ARHGEF38: variants seen among roughly 807,000 people sequenced by gnomAD.
ARHGEF38 encodes the protein Rho guanine nucleotide exchange factor (GEF) 38.
In ARHGEF38, 79 loss-of-function variants were observed where a neutral mutation model predicts 79.9. The observed-to-expected ratio is 0.99, with a 90% CI of 0.82 to 1.19. The LOEUF (loss-of-function observed/expected upper bound fraction) is 1.19, where lower values mean the gene tolerates loss of function less well. ARHGEF38 is among the 50% of genes most tolerant of loss of function. The pLI, the probability that ARHGEF38 is intolerant of heterozygous loss-of-function variation, is 0.00. For synonymous variants in ARHGEF38, 366 were observed against 328.3 expected (o/e 1.11, Z -1.24); for missense variants, 962 against 907.2 (o/e 1.06, Z -0.78).
At chr4:105,630,823 CATT>C (rs1416964704) in intron 3 of ARHGEF38, 72 bp from the exon 4 acceptor site, 1 of 1,353,398 alleles carries the variant, frequency 7.4e-7, no homozygotes, top group African/African-American at 1.5e-5. Context: ...CACGAGTCGA[CATT>C]GTTGAAAATA....
chr4:105,621,885 C>T (rs1003179546), intron 3 of ARHGEF38, among the ~76,000 whole-genome samples: 3 of 152,108 alleles, frequency 2.0e-5, no homozygotes, highest in African/African-American at 7.2e-5. Flanking sequence ...CCAGATGCAA[C>T]AGTTGGAAGA....
chr4:105,676,879 GTTCTT>G (rs1462807206), intron 13 of ARHGEF38, among the ~76,000 whole-genome samples: 1 of 151,700 alleles, frequency 6.6e-6, no homozygotes. Context: ...CTAATTTTAT[GTTCTT>G]TTTAAGGTTT....
intron 3 of ARHGEF38, among the ~76,000 whole-genome samples, chr4:105,614,943 A>T (rs562296827): frequency 6.6e-6 from 1 of 152,330 alleles, no homozygotes; most frequent in African/African-American, 2.4e-5. Flanking sequence ...CACTACTGCA[A>T]ACCTTGGAGG....
At chr4:105,576,298 TTGTTTG>T (rs1237624642) in intron 1 of ARHGEF38, among the ~76,000 whole-genome samples, 1 of 152,198 alleles carries the variant, frequency 6.6e-6, no homozygotes, top group East Asian at 1.9e-4. Context: ...GTGTTTCTGT[TTGTTTG>T]TGTCATCTAT....
At chr4:105,567,967 G>A (rs1176582666) in intron 1 of ARHGEF38, among the ~76,000 whole-genome samples, 2 of 126,552 alleles carry the variant, frequency 1.6e-5, no homozygotes, top group Admixed American at 2.1e-4. Context: ...AGAGTGTGAT[G>A]TTCCCCTTCC....
chr4:105,598,140 C>T (rs1266080038), intron 2 of ARHGEF38, among the ~76,000 whole-genome samples: 1 of 152,116 alleles, frequency 6.6e-6, no homozygotes, highest in East Asian at 1.9e-4. Context: ...GGCTGTTTCT[C>T]ACGCTATGCT....
In ARHGEF38 at chr4:105,562,772, C is replaced by T. The variant is rs148569030; in HGVS notation, c.196+9811C>T. On this transcript the variant is annotated intron_variant, in intron 1 of 13. Coordinates refer to ENST00000420470, the MANE Select transcript of ARHGEF38 (RefSeq NM_001242729.2). ...CTGAAGTATACTGCAAATTGGGTTT[C>T]CGACTTGCAAATTCTGAAATAGAGA... 7.0e-3 allele frequency among the ~76,000 whole-genome samples: 1,064 copies of T among 152,286 alleles called. 4 individuals are homozygous for T. The highest frequency in any genetic ancestry group is 0.02 in the Middle Eastern group (6 of 294).
chr4:105,563,246 A>G (rs994501831), intron 1 of ARHGEF38: 4 of 152,224 alleles, frequency 2.6e-5, no homozygotes, highest in African/African-American at 9.6e-5. Context: ...GCTTAATTGC[A>G]CCTCTGAAAT....
intron 1 of ARHGEF38, among the ~76,000 whole-genome samples, chr4:105,585,524 A>AGT (rs1726991594): frequency 6.6e-6 from 1 of 152,172 alleles, no homozygotes; most frequent in African/African-American, 2.4e-5. Flanking sequence ...ATAAAGCTTG[A>AGT]GTGTGAAAGA....
In ARHGEF38 at chr4:105,680,041, C is replaced by T. The variant is rs1731256416; in HGVS notation, c.*2104C>T. 1 of 881,822 alleles carries T rather than the reference C, an allele frequency of 1.1e-6. No homozygotes were observed. 54.6% of individuals were successfully genotyped at this position (881,822 alleles called of 1,614,324 possible). A position where few individuals can be genotyped will look rare whatever the true frequency, so the allele number is the denominator to read the frequency against. On this transcript the variant is annotated 3_prime_UTR_variant, in exon 14 of 14. Transcript: ENST00000420470. ...CCATGTCAGTTACATTCTTCTTCGT[C>T]TCACAGAAAATAATAGCCCTCCCTT...
intron 3 of ARHGEF38, among the ~76,000 whole-genome samples, chr4:105,620,156 T>C (rs1405696110): frequency 4.6e-5 from 7 of 152,214 alleles, no homozygotes; most frequent in African/African-American, 1.7e-4. Flanking sequence ...AATCTTGACT[T>C]AAGCACAGTG....
intron 5 of ARHGEF38, among the ~76,000 whole-genome samples, chr4:105,641,723 T>TA (rs1183857444): frequency 2.2e-5 from 3 of 138,430 alleles, no homozygotes; most frequent in Admixed American, 1.4e-4. Flanking sequence ...GTTGAATATC[T>TA]AATTTTTTTT....
chr4:105,613,539 A>G (rs763931269), intron 3 of ARHGEF38, 32 bp downstream of exon 3: 15 of 1,602,248 alleles, frequency 9.4e-6, no homozygotes, highest in Non-Finnish European at 1.3e-5. Flanking sequence ...GTTCTACAAT[A>G]CAACAGGAAA....
intron 1 of ARHGEF38, among the ~76,000 whole-genome samples, chr4:105,568,703 C>G (rs1430375328): frequency 1.3e-5 from 2 of 152,182 alleles, no homozygotes. Flanking sequence ...TCTCCACAGT[C>G]AAATGACTGT....
chr4:105,655,872 T>A lies in ARHGEF38; in HGVS notation c.1233+150T>A, dbSNP rs79182074. 6.0e-3 allele frequency: 5,548 copies of A among 930,138 alleles called. 35 individuals are homozygous for A. Among genetic ancestry groups the A allele is most frequent in the African/African-American group, 0.026 (1,558 of 59,734 alleles). 57.6% of individuals were successfully genotyped at this position (930,138 alleles called of 1,614,324 possible). Reference sequence around the variant, plus strand: ...TTAGTAGATTTAAATGGGATTTTTTTAAATCATTTAATATTTTTAAAGTGG... The same window carrying A: ...TTAGTAGATTTAAATGGGATTTTTTAAAATCATTTAATATTTTTAAAGTGG... On this transcript the variant is annotated intron_variant, in intron 9 of 13. Transcript: ENST00000420470.
chr4:105,680,172 T>A lies in ARHGEF38; in HGVS notation c.*2235T>A, dbSNP rs924859236. The A allele has an allele frequency of 1.7e-5, 10 of 585,328 alleles. No homozygotes were observed. In the African/African-American group the frequency reaches 1.9e-4, roughly 11 times the overall value. 36.3% of individuals were successfully genotyped at this position (585,328 alleles called of 1,614,324 possible). The stretch of plus-strand genomic sequence containing the variant: ...GACTGGAATTTAAAACCAGGTCTTC[T>A]GACTTTAAGGCCTTTCTTTTAGTGT... On this transcript the variant is annotated 3_prime_UTR_variant, in exon 14 of 14. Coordinates refer to ENST00000420470, the MANE Select transcript of ARHGEF38 (RefSeq NM_001242729.2).
intron 6 of ARHGEF38, among the ~76,000 whole-genome samples, chr4:105,646,832 GTT>G (rs34986019): frequency 1.4e-5 from 2 of 143,172 alleles, no homozygotes; most frequent in African/African-American, 5.5e-5. Flanking sequence ...AATCCAGAGG[GTT>G]TTTTTTTTAA....
chr4:105,555,046 A>G (rs1725188671), intron 1 of ARHGEF38, among the ~76,000 whole-genome samples: 2 of 152,172 alleles, frequency 1.3e-5, no homozygotes, highest in African/African-American at 2.4e-5. Flanking sequence ...TTTGCTTACT[A>G]AATTTTCCTA....
chr4:105,558,437 C>A (rs1725357671), intron 1 of ARHGEF38, among the ~76,000 whole-genome samples: 1 of 152,122 alleles, frequency 6.6e-6, no homozygotes, highest in Non-Finnish European at 1.5e-5. Flanking sequence ...CCTTTATCTG[C>A]CTTCATACAC....
Sources: allele counts gnomAD v4.1 joint callset (sites outside exome capture counted in the v4.1 genomes callset), GRCh38; gene constraint gnomAD v4.1.1; transcripts MANE v1.5; gene names NCBI Gene and HGNC (gene_info 2026-07-23, HGNC 2026-07-21).